DIPK1A: variants seen among roughly 807,000 people sequenced by gnomAD.
DIPK1A encodes divergent protein kinase domain 1A, also known as family with sequence similarity 69 member A.
In DIPK1A, 27 loss-of-function variants were observed where a neutral mutation model predicts 40.8. The ratio of observed to expected loss-of-function variants is 0.66; its 90% CI spans 0.49 to 0.91. The LOEUF (loss-of-function observed/expected upper bound fraction) is 0.91, where lower values mean the gene tolerates loss of function less well. Ranked by LOEUF, DIPK1A falls within the 40% of genes least tolerant of loss-of-function variation. The pLI is 0.00. For synonymous variants in DIPK1A, 166 were observed against 171.3 expected (o/e 0.97, Z 0.24); for missense variants, 412 against 505.7 (o/e 0.81, Z 1.78).
chr1:92,833,991 C>G (rs983344024), intron 4 of DIPK1A: 1 of 335,096 alleles, frequency 3.0e-6, no homozygotes, highest in African/African-American at 2.1e-5. Flanking sequence ...ACCTGTAGTC[C>G]CAGCTACTCA....
chr1:92,912,278 C>T (rs7521417), intron 1 of DIPK1A, among the ~76,000 whole-genome samples: 31,822 of 151,808 alleles, frequency 0.21, 3,838 homozygotes, highest in Non-Finnish European at 0.27. Context: ...TAAGTTGCTG[C>T]CCCATCCCCA....
intron 2 of DIPK1A, among the ~76,000 whole-genome samples, chr1:92,857,229 T>C (rs953243499): frequency 2.0e-5 from 3 of 151,992 alleles, no homozygotes; most frequent in Non-Finnish European, 4.4e-5. Flanking sequence ...ACTATACCTG[T>C]AATGTTTTAC....
chr1:92,869,042 G>A (rs1647704571), intron 2 of DIPK1A, among the ~76,000 whole-genome samples: 1 of 151,162 alleles, frequency 6.6e-6, no homozygotes, highest in Non-Finnish European at 1.5e-5. Context: ...TAACTTAGAT[G>A]TAGATGTTCA....
At chr1:92,902,199 TG>T (rs889942860) in intron 1 of DIPK1A, among the ~76,000 whole-genome samples, 11 of 152,140 alleles carry the variant, frequency 7.2e-5, no homozygotes, top group Admixed American at 5.2e-4. Context: ...ACTTAGGCAC[TG>T]GGGAGGCCTG....
At chr1:92,863,989 G>A (rs1647409344) in intron 2 of DIPK1A, among the ~76,000 whole-genome samples, 1 of 152,148 alleles carries the variant, frequency 6.6e-6, no homozygotes, top group Admixed American at 6.6e-5. Flanking sequence ...CCCGGGAGGT[G>A]AAGGTTGCAG....
chr1:92,891,225 C>G (rs933807356), intron 1 of DIPK1A, among the ~76,000 whole-genome samples: 2 of 151,370 alleles, frequency 1.3e-5, no homozygotes, highest in Non-Finnish European at 2.9e-5. Flanking sequence ...CTTGGTTAGT[C>G]CAGCTAATGG....
At chr1:92,933,172 A>C (rs1010701626) in intron 1 of DIPK1A, 3 of 152,082 alleles carry the variant, frequency 2.0e-5, no homozygotes, top group Non-Finnish European at 4.4e-5. Flanking sequence ...ACAAACAAAA[A>C]CCCCCAAAAC....
chr1:92,927,383 T>C (rs1194760594), intron 1 of DIPK1A, among the ~76,000 whole-genome samples: 1 of 149,586 alleles, frequency 6.7e-6, no homozygotes, highest in African/African-American at 2.5e-5. Context: ...TTTTTTTTTT[T>C]TTTTGCAGAG....
At chr1:92,836,501 G>A in intron 4 of DIPK1A, 1 of 968,116 alleles carries the variant, frequency 1.0e-6, no homozygotes, top group Non-Finnish European at 1.6e-6. Context: ...TTGAATGCCT[G>A]CTGTATGCCT....
At chr1:92,876,563 C>G in intron 1 of DIPK1A, 133 bp from the exon 2 acceptor site, 1 of 910,994 alleles carries the variant, frequency 1.1e-6, no homozygotes, top group Non-Finnish European at 1.6e-6. Flanking sequence ...AATTCTAGAA[C>G]AAAGTGCACT....
At position 92,846,792 on chromosome 1, in the gene DIPK1A, CAT is replaced by C. The variant is rs1180062565; in HGVS notation, c.474+389_474+390del. ...TACAGGCACATGCCACCACTCCTGG[CAT>C]ATATATATATATATATATATATATA... is the stretch of plus-strand genomic sequence containing the variant. On this transcript the variant is annotated intron_variant, in intron 4 of 4. Transcript: ENST00000370310. 2.5e-3 allele frequency among the ~76,000 whole-genome samples: 40 copies of C among 16,034 alleles called. 6 individuals carry two copies. Among genetic ancestry groups the C allele is most frequent in the African/African-American group, 5.7e-3 (27 of 4,746 alleles). 10.5% of individuals were successfully genotyped at this position (16,034 alleles called of 152,430 possible).
chr1:92,842,609 C>CTT lies in DIPK1A; in HGVS notation c.*772_*773dup. On this transcript the variant is annotated 3_prime_UTR_variant, in exon 5 of 5. Coordinates refer to ENST00000370310, the MANE Select transcript of DIPK1A (RefSeq NM_001006605.5). Reference sequence around the variant, plus strand: ...TGCTATAATTTATTTTAGTCTTGCACTTACAGTCCCACTTTCACATAGTTC... The same window carrying CTT: ...TGCTATAATTTATTTTAGTCTTGCACTTTTACAGTCCCACTTTCACATAGTTC... The CTT allele has an allele frequency of 1.1e-6, 1 of 920,176 alleles. No individual in the cohort carries two copies. The highest frequency in any genetic ancestry group is 1.3e-6 in the Non-Finnish European group (1 of 796,278). The allele number at this position is 920,176 out of a possible 1,614,324, so 57.0% of individuals were successfully genotyped here. A position where few individuals can be genotyped will look rare whatever the true frequency, so the allele number is the denominator to read the frequency against.
intron 4 of DIPK1A, chr1:92,833,753 C>T (rs2100677403): frequency 3.1e-6 from 3 of 960,502 alleles, no homozygotes; most frequent in Non-Finnish European, 5.0e-6. Flanking sequence ...GAAGGGCTGT[C>T]TAGCACCTCC....
At chr1:92,903,961 A>G (rs557063688) in intron 1 of DIPK1A, among the ~76,000 whole-genome samples, 1 of 152,234 alleles carries the variant, frequency 6.6e-6, no homozygotes, top group South Asian at 2.1e-4. Context: ...AGTTTTTAGA[A>G]GAGCCTAAAA....
At chr1:92,898,166 T>C (rs898824624) in intron 1 of DIPK1A, among the ~76,000 whole-genome samples, 1 of 151,384 alleles carries the variant, frequency 6.6e-6, no homozygotes, top group Non-Finnish European at 1.5e-5. Context: ...CTGCAGGCTG[T>C]ACAAGGTACA....
chr1:92,847,797 A>G (rs1687688074), intron 3 of DIPK1A, among the ~76,000 whole-genome samples: 1 of 152,214 alleles, frequency 6.6e-6, no homozygotes, highest in Non-Finnish European at 1.5e-5. Context: ...GTTCAGTGGC[A>G]TAATCATAGC....
chr1:92,856,870 G>A (rs1432363540), intron 2 of DIPK1A, among the ~76,000 whole-genome samples: 2 of 152,216 alleles, frequency 1.3e-5, no homozygotes, highest in Non-Finnish European at 2.9e-5. Context: ...TCCAGATGCA[G>A]TTTGTGAGAG....
chr1:92,872,044 T>C (rs1647888931), intron 2 of DIPK1A, among the ~76,000 whole-genome samples: 1 of 151,480 alleles, frequency 6.6e-6, no homozygotes, highest in Non-Finnish European at 1.5e-5. Flanking sequence ...CTCCATACTA[T>C]TTTCCTGATT....
chr1:92,869,063 AACTG>A (rs1426036039), intron 2 of DIPK1A, among the ~76,000 whole-genome samples: 1 of 151,930 alleles, frequency 6.6e-6, no homozygotes, highest in Non-Finnish European at 1.5e-5. Flanking sequence ...ATAAATATTT[AACTG>A]ACTGATAGAT....
Sources: allele counts gnomAD v4.1 joint callset (sites outside exome capture counted in the v4.1 genomes callset), GRCh38; gene constraint gnomAD v4.1.1; transcripts MANE v1.5; gene names NCBI Gene and HGNC (gene_info 2026-07-23, HGNC 2026-07-21).